Variants in DCAF5 observed in about 807,000 individuals in gnomAD.
The protein encoded by DCAF5 is DDB1 and CUL4 associated factor 5.
DCAF5 carries 9 observed loss-of-function variants against 80.7 expected under a neutral mutation model. The observed-to-expected ratio is 0.11, with a 90% CI of 0.07 to 0.19. The LOEUF is 0.19. Ranked by LOEUF, DCAF5 falls within the 10% of genes least tolerant of loss-of-function variation. The pLI, the probability that DCAF5 is intolerant of heterozygous loss-of-function variation, is 1.00. For missense variants in DCAF5, 842 were observed against 1,205.7 expected, an observed-to-expected ratio of 0.70 and a Z score of 4.47; for synonymous variants, 433 against 461.9, an observed-to-expected ratio of 0.94 and a Z score of 0.80.
intron 5 of DCAF5, among the ~76,000 whole-genome samples, chr14:69,112,287 GGT>G (rs1465267499): frequency 1.3e-5 from 2 of 152,106 alleles, no homozygotes; most frequent in Non-Finnish European, 2.9e-5. Flanking sequence ...AGTGAAAAAG[GGT>G]TTAACTTTCA....
At chr14:69,083,172 A>G (rs1219085863) in intron 6 of DCAF5, among the ~76,000 whole-genome samples, 1 of 152,240 alleles carries the variant, frequency 6.6e-6, no homozygotes, top group African/African-American at 2.4e-5. Context: ...TCCAGGATTG[A>G]TAATACCTGA....
At chr14:69,092,677 ATTAC>A (rs2039573656) in intron 5 of DCAF5, among the ~76,000 whole-genome samples, 2 of 152,200 alleles carry the variant, frequency 1.3e-5, no homozygotes, top group African/African-American at 4.8e-5. Flanking sequence ...TAATCATTTC[ATTAC>A]TTAATTTTGA....
At chr14:69,083,406 C>G in intron 6 of DCAF5, 1 of 291,900 alleles carries the variant, frequency 3.4e-6, no homozygotes, top group Non-Finnish European at 6.6e-6. Flanking sequence ...GGATGTCTCA[C>G]CTGCTGATGA....
At chr14:69,136,113 C>CTTTTTT (rs35359938) in intron 1 of DCAF5, among the ~76,000 whole-genome samples, 1 of 125,286 alleles carries the variant, frequency 8.0e-6, no homozygotes, top group Non-Finnish European at 1.6e-5. Context: ...ATGTGTAAAA[C>CTTTTTT]TTTTTTTTTT....
At chr14:69,136,827 A>G (rs1366856075) in intron 1 of DCAF5, among the ~76,000 whole-genome samples, 1 of 152,200 alleles carries the variant, frequency 6.6e-6, no homozygotes, top group African/African-American at 2.4e-5. Context: ...AAATGTCGGT[A>G]ATGTTCAGGT....
rs2037739148 is a variant in DCAF5, at chr14:69,050,902, G to A, written c.*2955C>T. ...TGTCTAAGCAACCAAGTCTTCCCTG[G>A]AAGAGAAGAGGAAGACGTGAGAAGT... On this transcript the variant is annotated 3_prime_UTR_variant, in exon 9 of 9. Transcript: ENST00000341516. 3 of 152,644 alleles carry A rather than the reference G, an allele frequency of 2.0e-5. No individual in the cohort carries two copies. The highest frequency in any genetic ancestry group is 7.2e-5 in the African/African-American group (3 of 41,464). 9.5% of individuals were successfully genotyped at this position (152,644 alleles called of 1,614,324 possible).
chr14:69,106,728 G>A (rs961721709), intron 5 of DCAF5, among the ~76,000 whole-genome samples: 2 of 152,072 alleles, frequency 1.3e-5, no homozygotes, highest in African/African-American at 2.4e-5. Context: ...AGAAGAAAAC[G>A]TCAACATTTG....
intron 1 of DCAF5, among the ~76,000 whole-genome samples, chr14:69,135,556 T>A (rs1453952021): frequency 6.6e-6 from 1 of 152,192 alleles, no homozygotes. Context: ...TTACTTGAAA[T>A]TACTGAAAAA....
rs200031103 is a variant in DCAF5, at chr14:69,109,434, T to C, written c.665+6932A>G. On this transcript the variant is annotated intron_variant, in intron 5 of 8. Coordinates refer to ENST00000341516, the MANE Select transcript of DCAF5 (RefSeq NM_003861.3). The stretch of plus-strand genomic sequence containing the variant: ...TTTATATAGGTATACAACCATGAAA[T>C]TGCCACCCAGATCAAGATATAGAAC... Among the ~76,000 whole-genome samples, 17 of 152,042 alleles carry C rather than the reference T, an allele frequency of 1.1e-4. No individual in the cohort carries two copies. In the East Asian group the frequency reaches 3.1e-3, roughly 28 times the overall value.
chr14:69,062,775 A>G (rs76578652), intron 7 of DCAF5, among the ~76,000 whole-genome samples: 3,086 of 152,302 alleles, frequency 0.02, 108 homozygotes, highest in African/African-American at 0.072. Flanking sequence ...CAATGAAACC[A>G]AAGCCACTTA....
At chr14:69,140,339 C>G (rs915450155) in intron 1 of DCAF5, among the ~76,000 whole-genome samples, 5 of 152,066 alleles carry the variant, frequency 3.3e-5, no homozygotes, top group Non-Finnish European at 5.9e-5. Context: ...AACTACAATC[C>G]CTGAAAATTC....
chr14:69,065,169 C>T (rs1193521246), intron 7 of DCAF5, among the ~76,000 whole-genome samples: 2 of 143,202 alleles, frequency 1.4e-5, no homozygotes, highest in Non-Finnish European at 3.0e-5. Flanking sequence ...TCGATCTCGG[C>T]TCACTGCAAC....
chr14:69,060,693 G>A (rs113502201), intron 8 of DCAF5, among the ~76,000 whole-genome samples: 1,626 of 151,996 alleles, frequency 0.011, 32 homozygotes, highest in African/African-American at 0.037. Flanking sequence ...CACCACACCC[G>A]ACTAATTTTT....
At chr14:69,067,594 C>T (rs900302617) in intron 7 of DCAF5, among the ~76,000 whole-genome samples, 4 of 151,792 alleles carry the variant, frequency 2.6e-5, no homozygotes, top group Non-Finnish European at 5.9e-5. Flanking sequence ...ATCCTCCTGC[C>T]TTGGCCCCCG....
intron 6 of DCAF5, among the ~76,000 whole-genome samples, chr14:69,080,965 G>A (rs1374613098): frequency 6.6e-6 from 1 of 151,714 alleles, no homozygotes; most frequent in Admixed American, 6.6e-5. Context: ...TAAACATGAC[G>A]AGGGGGAAAC....
chr14:69,134,803 G>C (rs946656805), intron 1 of DCAF5, among the ~76,000 whole-genome samples: 8 of 152,178 alleles, frequency 5.3e-5, no homozygotes, highest in Non-Finnish European at 1.5e-5. Context: ...CAGAAGCCAC[G>C]ATGCAGTCTC....
At chr14:69,129,618 C>A (rs1173107811) in intron 1 of DCAF5, among the ~76,000 whole-genome samples, 1 of 152,184 alleles carries the variant, frequency 6.6e-6, no homozygotes, top group Non-Finnish European at 1.5e-5. Context: ...CAGAGAGAGA[C>A]TGACCTGCAA....
chr14:69,102,706 G>A (rs1044376974), intron 5 of DCAF5, among the ~76,000 whole-genome samples: 1 of 150,998 alleles, frequency 6.6e-6, no homozygotes, highest in East Asian at 2.0e-4. Flanking sequence ...CTTCAGGGTC[G>A]ATAATACACG....
rs551114909 is a variant in DCAF5, at chr14:69,086,766, C to A, written c.879+4908G>T. On this transcript the variant is annotated intron_variant, in intron 6 of 8. Coordinates refer to ENST00000341516, the MANE Select transcript of DCAF5 (RefSeq NM_003861.3). ...TGGTGATGTAATGTCTGAGGGAGGC[C>A]ATTTATCCAAGGCCATTTTGTTGGA... Among the ~76,000 whole-genome samples, 272 of 152,154 alleles carry A rather than the reference C, an allele frequency of 1.8e-3. 1 individual carries two copies. The highest frequency in any genetic ancestry group is 6.3e-3 in the African/African-American group (261 of 41,500).
Sources: gnomAD v4.1 joint callset for allele counts (sites outside exome capture counted in the v4.1 genomes callset) on GRCh38, gnomAD v4.1.1 for gene constraint, MANE v1.5 for transcripts, NCBI Gene and HGNC (gene_info 2026-07-23, HGNC 2026-07-21) for gene names.